Variants in ALMS1 observed in about 807,000 individuals in gnomAD.
ALMS1 encodes centrosome-associated protein ALMS1.
ALMS1 carries 271 observed loss-of-function variants against 352.2 expected under a neutral mutation model. The ratio of observed to expected loss-of-function variants is 0.77; its 90% CI spans 0.70 to 0.85. The LOEUF (loss-of-function observed/expected upper bound fraction) is 0.85. Among genes scored for constraint, ALMS1 ranks in the 40% least tolerant of loss-of-function variants. The pLI is 0.00. For synonymous variants in ALMS1, 1,865 were observed against 1,761.2 expected, an observed-to-expected ratio of 1.06 and a Z score of -1.48; for missense variants, 5,445 against 4,870.7, an observed-to-expected ratio of 1.12 and a Z score of -3.51.
chr2:73,507,566 G>A (rs557502930), intron 10 of ALMS1, among the ~76,000 whole-genome samples: 2 of 152,282 alleles, frequency 1.3e-5, no homozygotes, highest in Non-Finnish European at 2.9e-5. Context: ...TTGCGTAGAG[G>A]TGTTTGCAGT....
intron 7 of ALMS1, among the ~76,000 whole-genome samples, chr2:73,444,994 C>T (rs2103764600): frequency 6.6e-6 from 1 of 151,016 alleles, no homozygotes; most frequent in African/African-American, 2.4e-5. Context: ...AGACAAAGAC[C>T]CATTTAAAAT....
At chr2:73,540,530 T>A (rs1164042588) in intron 12 of ALMS1, among the ~76,000 whole-genome samples, 1 of 152,040 alleles carries the variant, frequency 6.6e-6, no homozygotes, top group Non-Finnish European at 1.5e-5. Flanking sequence ...ACAATATTAA[T>A]CTTAAATGTA....
chr2:73,609,615 C>A lies in ALMS1; in HGVS notation c.*3C>A. 1.9e-6 allele frequency: 3 copies of A among 1,613,892 alleles called. No individual in the cohort carries two copies. Among genetic ancestry groups the A allele is most frequent in the Non-Finnish European group, 2.5e-6 (3 of 1,179,760 alleles). On this transcript the variant is annotated 3_prime_UTR_variant, in exon 23 of 23. Transcript: ENST00000613296. ...GGAGAAAAGTTCCCTGGGACTGACA[C>A]AAGTTTATTTTCCTCAGAGCCTTGG...
chr2:73,556,633 C>CTTTTTTT (rs764932403), intron 13 of ALMS1, among the ~76,000 whole-genome samples: 1 of 101,486 alleles, frequency 9.9e-6, no homozygotes, highest in Non-Finnish European at 1.9e-5. Context: ...CTGATCTTTC[C>CTTTTTTT]TTTTTTTTTT....
In ALMS1 at chr2:73,453,039, C is replaced by G. The variant is rs777605083; in HGVS notation, c.6512C>G (p.Ala2171Gly). The G allele has an allele frequency of 6.2e-7, 1 of 1,613,754 alleles. No individual in the cohort carries two copies. Among genetic ancestry groups the G allele is most frequent in the Non-Finnish European group, 8.5e-7 (1 of 1,179,976 alleles). The change falls in exon 8 of 23, where the codon GCT becomes GGT. Residue 2171 changes from alanine (A) to glycine (G), a missense_variant. By Grantham distance (60) the Ala-to-Gly change is moderately conservative (BLOSUM62 0). Transcript: ENST00000613296. ...LTEDALKISS[A>G]LGQADQITGL... ...GAAGATGCTCTAAAGATCTCAAGTG[C>G]TCTTGGGCAAGCTGATCAAATTACC...
At chr2:73,578,882 T>A (rs1489009624) in intron 16 of ALMS1, among the ~76,000 whole-genome samples, 1 of 152,042 alleles carries the variant, frequency 6.6e-6, no homozygotes, top group Non-Finnish European at 1.5e-5. Context: ...TTACCCTTAT[T>A]TCTTATGCCT....
chr2:73,532,556 T>C (rs529678931), intron 11 of ALMS1, among the ~76,000 whole-genome samples: 172 of 152,280 alleles, frequency 1.1e-3, no homozygotes, highest in Non-Finnish European at 1.4e-3. Context: ...CTGATATTCA[T>C]TCAAGGCCCA....
rs748662184 is a variant in ALMS1, at chr2:73,572,351, A to G, written c.10474A>G (p.Ser3492Gly). The G allele has an allele frequency of 1.9e-6, 3 of 1,608,438 alleles. No individual in the cohort carries two copies. The highest frequency in any genetic ancestry group is 2.2e-5 in the South Asian group (2 of 89,684). ...FYIHHPVHLP[S>G]DQDICHESLG... ...CATTCATCATCCCGTACACCTACCAAGTGATCAAGATATTTGCCATGAATC... is the reference window on the plus strand; with the variant it reads ...CATTCATCATCCCGTACACCTACCAGGTGATCAAGATATTTGCCATGAATC... The change falls in exon 16 of 23, where the codon AGT becomes GGT. Residue 3492 changes from serine to glycine, a missense_variant. Coordinates refer to ENST00000613296, the MANE Select transcript of ALMS1 (RefSeq NM_001378454.1).
intron 16 of ALMS1, among the ~76,000 whole-genome samples, chr2:73,597,375 C>G (rs1675574214): frequency 6.6e-6 from 1 of 151,984 alleles, no homozygotes; most frequent in African/African-American, 2.4e-5. Flanking sequence ...GTAAATAAAA[C>G]CAGTTTTACC....
intron 2 of ALMS1, among the ~76,000 whole-genome samples, chr2:73,418,100 C>T (rs1388458418): frequency 6.6e-6 from 1 of 152,084 alleles, no homozygotes; most frequent in African/African-American, 2.4e-5. Context: ...CTTTTAATTT[C>T]ATTTTTCTAG....
At chr2:73,507,025 A>G (rs960704838) in intron 10 of ALMS1, among the ~76,000 whole-genome samples, 2 of 152,126 alleles carry the variant, frequency 1.3e-5, no homozygotes, top group Non-Finnish European at 2.9e-5. Context: ...TTCTGCATCT[A>G]TTGAGATAAT....
At position 73,489,790 on chromosome 2, in the gene ALMS1, G is replaced by A. The variant is rs1489651519; in HGVS notation, c.7831G>A (p.Glu2611Lys). 1 of 1,614,126 alleles carries A rather than the reference G, an allele frequency of 6.2e-7. No individual in the cohort carries two copies. Reference protein sequence around the residue: ...PCAFRSAGPSEMTRGRQNPSS... With the variant: ...PCAFRSAGPSKMTRGRQNPSS... ...TGCTTTCAGATCTGCTGGACCCTCA[G>A]AAATGACCAGAGGACGGCAGAACCC... Residue 2611 changes from glutamate (E) to lysine (K), a missense_variant, in exon 10 of 23, where the codon GAA becomes AAA. Glu to Lys is a moderately conservative substitution (Grantham distance 56). Coordinates refer to ENST00000613296, the MANE Select transcript of ALMS1 (RefSeq NM_001378454.1).
chr2:73,476,577 TTTG>T (rs1221696943), intron 9 of ALMS1, among the ~76,000 whole-genome samples: 2 of 152,008 alleles, frequency 1.3e-5, no homozygotes, highest in African/African-American at 4.8e-5. Flanking sequence ...TCTGTTTTTT[TTTG>T]TTTTTTTTTT....
intron 9 of ALMS1, among the ~76,000 whole-genome samples, chr2:73,464,466 A>C (rs1405555288): frequency 1.3e-5 from 2 of 152,218 alleles, no homozygotes; most frequent in Non-Finnish European, 2.9e-5. Context: ...AGAGCTATCT[A>C]TGACAAACCC....
intron 12 of ALMS1, among the ~76,000 whole-genome samples, chr2:73,538,125 G>A (rs937911359): frequency 2.6e-5 from 4 of 152,164 alleles, no homozygotes; most frequent in African/African-American, 9.7e-5. Context: ...GTGACTCACA[G>A]CATAGGAGAA....
At chr2:73,471,936 T>C (rs1191143985) in intron 9 of ALMS1, among the ~76,000 whole-genome samples, 5 of 151,938 alleles carry the variant, frequency 3.3e-5, no homozygotes, top group Non-Finnish European at 2.9e-5. Context: ...AGCCAAGATA[T>C]ATAAACAAGA....
At chr2:73,602,881 C>T (rs1675729815) in intron 20 of ALMS1, among the ~76,000 whole-genome samples, 1 of 152,138 alleles carries the variant, frequency 6.6e-6, no homozygotes, top group African/African-American at 2.4e-5. Context: ...AAGATTTGAA[C>T]CCAGGTGTGC....
chr2:73,548,702 A>G (rs1036151404), intron 12 of ALMS1, among the ~76,000 whole-genome samples: 5 of 152,212 alleles, frequency 3.3e-5, no homozygotes, highest in Admixed American at 6.5e-5. Flanking sequence ...AATTTCCATA[A>G]AAGTGCTGTA....
At chr2:73,395,062 A>G (rs367563630) in intron 1 of ALMS1, among the ~76,000 whole-genome samples, 2,253 of 84,270 alleles carry the variant, frequency 0.027, 72 homozygotes, top group African/African-American at 0.084. Context: ...ATATATGTGT[A>G]TATATATATA....
Sources: allele counts gnomAD v4.1 joint callset (sites outside exome capture counted in the v4.1 genomes callset), GRCh38; gene constraint gnomAD v4.1.1; transcripts MANE v1.5; gene names NCBI Gene and HGNC (gene_info 2026-07-23, HGNC 2026-07-21).